The following FAAP20 variants were observed in gnomAD, a reference collection of about 807,000 sequenced individuals.
The protein encoded by FAAP20 is Fanconi anemia core complex-associated protein 20.
Under a neutral mutation model 16.2 loss-of-function variants are expected in FAAP20, and 12 were observed. The observed-to-expected ratio is 0.74, with a 90% CI of 0.48 to 1.20. FAAP20 has a LOEUF of 1.20. Among genes scored for constraint, FAAP20 ranks in the 50% most tolerant of loss-of-function variants. FAAP20 has a pLI of 0.00. For synonymous variants in FAAP20, 141 were observed against 110.7 expected (o/e 1.27, Z -1.72); for missense variants, 288 against 245.8 (o/e 1.17, Z -1.15).
In FAAP20 at chr1:2,193,818, C is replaced by T. The variant is rs1011485515; in HGVS notation, c.291G>A (p.Pro97=). 6.2e-7 allele frequency: 1 copy of T among 1,609,820 alleles called. No individual in the cohort carries two copies. Among genetic ancestry groups the T allele is most frequent in the African/African-American group, 1.3e-5 (1 of 74,782 alleles). The change falls in exon 3 of 4, where the codon CCG becomes CCA. Residue 97 remains proline, a synonymous_variant. Transcript: ENST00000378546. ...CGTGAAGCAGCCGGTAGGAACGGCC[C>T]GGGCCCCACAGGTCCGGCGGAAAGG... The part of the protein sequence containing the change: ...WTPFPPDLWG[P]GRSYRLLHGA...
downstream of FAAP20, among the ~76,000 whole-genome samples, chr1:2,207,955 T>TCC (rs1689325659): frequency 9.9e-5 from 14 of 141,756 alleles, no homozygotes; most frequent in Middle Eastern, 3.9e-3. Context: ...TGTGTGTGTG[T>TCC]CCGTGCGCGC....
upstream of FAAP20, chr1:2,200,678 C>T (rs1182870578): frequency 1.7e-5 from 17 of 986,932 alleles, no homozygotes; most frequent in Middle Eastern, 5.2e-4. Flanking sequence ...AGCAGGCTCC[C>T]GGCTTTCCAA....
chr1:2,208,999 G>A (rs79930403), downstream of FAAP20, among the ~76,000 whole-genome samples: 23 of 152,350 alleles, frequency 1.5e-4, no homozygotes, highest in African/African-American at 5.5e-4. Context: ...CCCACTCACT[G>A]CACCCAGCAG....
At chr1:2,205,935 C>T (rs1188326470) in intron 3 of FAAP20, among the ~76,000 whole-genome samples, 1 of 152,266 alleles carries the variant, frequency 6.6e-6, no homozygotes, top group Non-Finnish European at 1.5e-5. Flanking sequence ...GTCTTCATTC[C>T]TTTTCGGTCT....
chr1:2,187,673 C>A (rs1441928200), downstream of FAAP20, among the ~76,000 whole-genome samples: 1 of 152,334 alleles, frequency 6.6e-6, no homozygotes, highest in East Asian at 1.9e-4. Context: ...GCAGAAGGTG[C>A]AGCCAAGTCC....
chr1:2,199,191 A>C (rs1688943969), upstream of FAAP20: 2 of 1,171,454 alleles, frequency 1.7e-6, no homozygotes, highest in Non-Finnish European at 2.1e-6. The surrounding 1 kb of genome is among the most constrained non-coding windows in gnomAD (Gnocchi z 4.5). Flanking sequence ...CTGGGCCAGC[A>C]TCCCCGACCA....
upstream of FAAP20, among the ~76,000 whole-genome samples, chr1:2,196,490 T>TG (rs1191214420): frequency 1.4e-5 from 2 of 141,448 alleles, no homozygotes; most frequent in South Asian, 4.5e-4. The surrounding 1 kb of genome is among the most constrained non-coding windows in gnomAD (Gnocchi z 4.5). Flanking sequence ...CCCAGGTAGG[T>TG]GGGGGCTGCA....
chr1:2,193,822 C>A lies in FAAP20; in HGVS notation c.287G>T (p.Gly96Val). 6.2e-7 allele frequency: 1 copy of A among 1,610,554 alleles called. No individual in the cohort carries two copies. The highest frequency in any genetic ancestry group is 1.1e-5 in the South Asian group (1 of 90,980). The change falls in exon 3 of 4, where the codon GGC becomes GTC. Residue 96 changes from glycine (G) to valine (V), a missense_variant. By Grantham distance (109) the Gly-to-Val change is moderately radical. Transcript: ENST00000378546. ...AAGCAGCCGGTAGGAACGGCCCGGG[C>A]CCCACAGGTCCGGCGGAAAGGGTGT... ...SWTPFPPDLW[G>V]PGRSYRLLHG...
upstream of FAAP20, chr1:2,200,804 G>A (rs1689019099): frequency 9.9e-7 from 1 of 1,013,052 alleles, no homozygotes; most frequent in Middle Eastern, 5.0e-4. Flanking sequence ...TGGGCCAAGA[G>A]CTGGAAGGGG....
At chr1:2,194,808 C>G (rs1173529529), upstream of FAAP20, 3 of 1,088,728 alleles carry the variant, frequency 2.8e-6, no homozygotes, top group Non-Finnish European at 3.3e-6. Flanking sequence ...CCAGGCCCCG[C>G]CCCCGCCCCG....
chr1:2,198,751 C>T, upstream of FAAP20: 1 of 1,286,866 alleles, frequency 7.8e-7, no homozygotes, highest in South Asian at 1.2e-5. Context: ...TGGCAGTGCT[C>T]ACCTGCTGGC....
chr1:2,199,438 C>A, upstream of FAAP20: 1 of 1,005,606 alleles, frequency 9.9e-7, no homozygotes, highest in Non-Finnish European at 1.2e-6. The surrounding 1 kb of genome is among the most constrained non-coding windows in gnomAD (Gnocchi z 4.5). Flanking sequence ...CTCTCCACCC[C>A]ACTGCCCTGC....
chr1:2,188,892 C>T (rs1337966355), downstream of FAAP20, among the ~76,000 whole-genome samples: 1 of 151,860 alleles, frequency 6.6e-6, no homozygotes, highest in Admixed American at 6.6e-5. Flanking sequence ...GTAGTCCCAG[C>T]TACTCGGGAG....
chr1:2,194,898 A>G, upstream of FAAP20: 1 of 681,174 alleles, frequency 1.5e-6, no homozygotes, highest in Non-Finnish European at 1.8e-6. Flanking sequence ...CCCAGCCTGT[A>G]GGGAAACTGA....
rs1057325979 is a variant in FAAP20 at position 2,194,701 on chromosome 1, G to A, written c.49C>T (p.Arg17Cys). Reference sequence around the variant, plus strand: ...TCCCGGCCTCACCCGCCCGCCGGGCGCGGCCTCCGGCGGCTCAACCCCAGC... The same window carrying A: ...TCCCGGCCTCACCCGCCCGCCGGGCACGGCCTCCGGCGGCTCAACCCCAGC... The part of the protein sequence containing the change: ...PRLGLSRRRP[R>C]PAGGPSGGRP... The change falls in exon 1 of 4, where the codon CGC becomes TGC. Residue 17 changes from arginine (R) to cysteine (C), a missense_variant. By Grantham distance (180) the Arg-to-Cys change is radical (BLOSUM62 -3). Coordinates refer to ENST00000378546, the MANE Select transcript of FAAP20 (RefSeq NM_182533.4). The A allele has an allele frequency of 1.7e-6, 2 of 1,171,556 alleles. No homozygotes were observed. The highest frequency in any genetic ancestry group is 1.6e-5 in the African/African-American group (1 of 61,412). 72.6% of individuals were successfully genotyped at this position (1,171,556 alleles called of 1,614,324 possible).
At chr1:2,195,994 C>CA (rs1204271369), upstream of FAAP20, among the ~76,000 whole-genome samples, 32 of 152,294 alleles carry the variant, frequency 2.1e-4, 1 homozygote, top group South Asian at 3.7e-3. Flanking sequence ...CTGCTGCAGG[C>CA]CGTGTGGTCT....
At chr1:2,211,484 T>G (rs1439521081), downstream of FAAP20, among the ~76,000 whole-genome samples, 1 of 124,356 alleles carries the variant, frequency 8.0e-6, no homozygotes, top group Non-Finnish European at 1.6e-5. Context: ...TCTTGCTCTG[T>G]TGCCTAGGCT....
Position 2,194,022 on chromosome 1 carries a change from A to G in FAAP20, c.174T>C (p.Pro58=). ...CCTGTCCTGGGAAGGCGGGCAGTGA[A>G]GGCACCTCGTGATCCAGGATCAGCT... ...SPELILDHEV[P]SLPAFPGQEP... The change falls in exon 2 of 4, where the codon CCT becomes CCC. Residue 58 remains proline (P), a synonymous_variant. Transcript: ENST00000378546. 1.2e-6 allele frequency: 2 copies of G among 1,612,736 alleles called. No individual in the cohort carries two copies. The highest frequency in any genetic ancestry group is 8.5e-7 in the Non-Finnish European group (1 of 1,179,952).
At chr1:2,192,044 C>A (rs1411741035) in intron 3 of FAAP20, 3 of 985,458 alleles carry the variant, frequency 3.0e-6, no homozygotes, top group Non-Finnish European at 3.6e-6. Context: ...TCCCCAGACC[C>A]GCCTCTGCCA....
Sources: gnomAD v4.1 joint callset for allele counts (sites outside exome capture counted in the v4.1 genomes callset) on GRCh38, gnomAD v4.1.1 for gene constraint, Gnocchi (gnomAD v3.1) non-coding constraint, MANE v1.5 for transcripts, NCBI Gene and HGNC (gene_info 2026-07-23, HGNC 2026-07-21) for gene names.